The following KDM4A variants were observed in gnomAD, a reference collection of about 807,000 sequenced individuals.
KDM4A encodes the protein lysine demethylase 4A, also known as lysine-specific demethylase 4A.
In KDM4A, 23 loss-of-function variants were observed where a neutral mutation model predicts 127.1. That is an observed-to-expected ratio of 0.18 (90% CI 0.13 to 0.26). KDM4A has a LOEUF of 0.26. Among genes scored for constraint, KDM4A ranks in the 10% least tolerant of loss-of-function variants. KDM4A has a pLI of 1.00. For synonymous variants in KDM4A, 443 were observed against 466.5 expected, an observed-to-expected ratio of 0.95 and a Z score of 0.65; for missense variants, 890 against 1,329.1, an observed-to-expected ratio of 0.67 and a Z score of 5.14.
chr1:43,671,562 A>C lies in KDM4A; in HGVS notation c.1421A>C (p.Glu474Ala), dbSNP rs1309701491. ...FEELKNVKLE[E>A]EDEEEEQAAA... ...GAGCTTAAAAATGTCAAACTAGAAGAGGAGGATGAGGAGGAAGAACAAGCA... is the reference window on the plus strand; with the variant it reads ...GAGCTTAAAAATGTCAAACTAGAAGCGGAGGATGAGGAGGAAGAACAAGCA... Residue 474 changes from glutamate to alanine, a missense_variant, in exon 11 of 22, where the codon GAG becomes GCG. Coordinates refer to ENST00000372396, the MANE Select transcript of KDM4A (RefSeq NM_014663.3). 1.2e-6 allele frequency: 2 copies of C among 1,601,852 alleles called. No individual in the cohort carries two copies. Among genetic ancestry groups the C allele is most frequent in the African/African-American group, 2.7e-5 (2 of 74,086 alleles).
chr1:43,700,652 G>A (rs1468808896), intron 19 of KDM4A, among the ~76,000 whole-genome samples: 1 of 152,038 alleles, frequency 6.6e-6, no homozygotes, highest in Non-Finnish European at 1.5e-5. Context: ...AAACTCCTGG[G>A]CTCAAGCGAT....
At position 43,667,935 on chromosome 1, in the gene KDM4A, C is replaced by T; in HGVS notation, c.1079C>T (p.Pro360Leu). 1 of 1,614,124 alleles carries T rather than the reference C, an allele frequency of 6.2e-7. No individual in the cohort carries two copies. The highest frequency in any genetic ancestry group is 1.1e-5 in the South Asian group (1 of 91,078). The change falls in exon 9 of 22, where the codon CCT becomes CTT. Residue 360 changes from proline to leucine, a missense_variant. Physicochemically the swap from Pro to Leu is moderately conservative, Grantham distance 98 (BLOSUM62 -3). Transcript: ENST00000372396. ...GAGTTTCTTAAGGAGAGTGAACTGC[C>T]TCCAAGAGCTGGCAACGAGGAGGAG... The part of the protein sequence containing the change: ...AAEFLKESEL[P>L]PRAGNEEECP...
At chr1:43,671,457 C>T in intron 10 of KDM4A, 48 bp from the exon 11 acceptor site, 1 of 1,493,916 alleles carries the variant, frequency 6.7e-7, no homozygotes, top group Non-Finnish European at 8.9e-7. Flanking sequence ...ATCAGGTTCA[C>T]ATGTGCAGGA....
rs1661188675 is a variant in KDM4A, at chr1:43,694,257, C to G, written c.2484+155C>G. ...GGAGGCCAGGTGTGGTGGCTCACAC[C>G]TGTAATCCCAGCCCTTTGTGGGGCC... On this transcript the variant is annotated intron_variant, in intron 17 of 21. Transcript: ENST00000372396. The surrounding 1 kb of genome is among the most constrained non-coding windows in gnomAD (Gnocchi z 5.2). Among the ~76,000 whole-genome samples, 1 of 152,112 alleles carries G rather than the reference C, an allele frequency of 6.6e-6. No homozygotes were observed.
In KDM4A at chr1:43,690,838, C is replaced by T. The variant is rs750870375; in HGVS notation, c.2038-7C>T. 6.2e-7 allele frequency: 1 copy of T among 1,614,000 alleles called. No individual in the cohort carries two copies. The highest frequency in any genetic ancestry group is 8.5e-7 in the Non-Finnish European group (1 of 1,179,920). ...CACTGAGGTGTACACTTGTTCTTTC[C>T]CCTTAGGTTGAATTTGGAGGCTTTA... On this transcript the variant is annotated splice_polypyrimidine_tract_variant and splice_region_variant and intron_variant, in intron 13 of 21. Coordinates refer to ENST00000372396, the MANE Select transcript of KDM4A (RefSeq NM_014663.3).
intron 15 of KDM4A, among the ~76,000 whole-genome samples, chr1:43,691,999 T>G (rs1272648241): frequency 6.6e-6 from 1 of 152,220 alleles, no homozygotes; most frequent in Non-Finnish European, 1.5e-5. Context: ...CTTTTGTGAC[T>G]TTGCTAAGAG....
intron 18 of KDM4A, among the ~76,000 whole-genome samples, 197 bp downstream of exon 18, chr1:43,695,091 A>G (rs769407819): frequency 1.2e-4 from 18 of 152,134 alleles, no homozygotes; most frequent in Non-Finnish European, 1.0e-4. Flanking sequence ...AGTGACACCA[A>G]ACTGCTTGTA....
chr1:43,697,020 G>A (rs1186744693), intron 18 of KDM4A, among the ~76,000 whole-genome samples: 1 of 152,210 alleles, frequency 6.6e-6, no homozygotes, highest in African/African-American at 2.4e-5. Flanking sequence ...TAAAAATTAA[G>A]TCAGATAAGG....
chr1:43,660,518 G>A (rs1164853557), intron 4 of KDM4A, 106 bp downstream of exon 4: 4 of 1,432,674 alleles, frequency 2.8e-6, no homozygotes, highest in African/African-American at 1.4e-5. Context: ...GTGAATGGGT[G>A]GATGAACAGA....
Position 43,655,712 on chromosome 1 carries a change from T to A in KDM4A, c.260T>A (p.Ile87Lys). ...GQSGLFTQYN[I>K]QKKAMTVREF... ...TCTGGCCTCTTTACTCAGTACAACA[T>A]ACAGAAGAAAGCCATGACTGTTCGA... Residue 87 changes from isoleucine to lysine, a missense_variant, in exon 3 of 22, where the codon ATA becomes AAA. Ile to Lys is a moderately radical substitution (Grantham distance 102). Around this residue, in one of 7 missense-constraint regions of KDM4A, gnomAD observed 29 missense variants for 64.3 expected, o/e 0.45. Coordinates refer to ENST00000372396, the MANE Select transcript of KDM4A (RefSeq NM_014663.3). The A allele has an allele frequency of 6.2e-7, 1 of 1,613,898 alleles. No individual in the cohort carries two copies. Among genetic ancestry groups the A allele is most frequent in the Non-Finnish European group, 8.5e-7 (1 of 1,179,896 alleles).
rs74070653 is a variant in KDM4A, at chr1:43,667,976, A to G, written c.1120A>G (p.Met374Val). The G allele has an allele frequency of 1.9e-3, 3,146 of 1,614,142 alleles. 57 individuals are homozygous for G. The African/African-American group carries it at 0.036, about 19-fold the overall frequency. The change falls in exon 9 of 22, where the codon ATG becomes GTG. Residue 374 changes from methionine (M) to valine (V), a missense_variant. Physicochemically the swap from Met to Val is conservative, Grantham distance 21. Around this residue, in one of 7 missense-constraint regions of KDM4A, gnomAD observed 389 missense variants for 485.9 expected, o/e 0.80. Coordinates refer to ENST00000372396, the MANE Select transcript of KDM4A (RefSeq NM_014663.3). ...CGAGGAGGAGTGCCCAGAGGAGGAC[A>G]TGGAAGGGGTGGAGGATGGAGAGGA... ...GNEEECPEED[M>V]EGVEDGEEGD...
intron 12 of KDM4A, among the ~76,000 whole-genome samples, chr1:43,686,612 C>T (rs936918196): frequency 6.6e-6 from 1 of 152,192 alleles, no homozygotes; most frequent in African/African-American, 2.4e-5. Flanking sequence ...GCTGGGATTA[C>T]AGGCGTGAGC....
At chr1:43,690,583 G>C (rs1250106374) in intron 13 of KDM4A, 1 of 527,170 alleles carries the variant, frequency 1.9e-6, no homozygotes, top group African/African-American at 1.9e-5. Flanking sequence ...TCTTTGGGAA[G>C]ATTGAAATCC....
At chr1:43,671,409 C>T (rs1378248886) in intron 10 of KDM4A, 96 bp from the exon 11 acceptor site, 2 of 1,347,406 alleles carry the variant, frequency 1.5e-6, no homozygotes, top group Non-Finnish European at 2.0e-6. Context: ...AGGTCCCATT[C>T]CCCGCCCATG....
At chr1:43,697,811 TGTGA>T (rs1287923015) in intron 18 of KDM4A, 28 bp from the exon 19 acceptor site, 5 of 1,601,870 alleles carry the variant, frequency 3.1e-6, no homozygotes, top group Non-Finnish European at 4.3e-6. Flanking sequence ...AAACTCCACG[TGTGA>T]GTAACCAAAG....
intron 19 of KDM4A, among the ~76,000 whole-genome samples, chr1:43,701,058 G>A (rs933395697): frequency 1.3e-5 from 2 of 151,688 alleles, no homozygotes; most frequent in Non-Finnish European, 1.5e-5. Flanking sequence ...AAGTAGCTGC[G>A]ACTACAGGTG....
At chr1:43,676,304 C>T (rs957980060) in intron 11 of KDM4A, among the ~76,000 whole-genome samples, 90 of 152,038 alleles carry the variant, frequency 5.9e-4, no homozygotes, top group African/African-American at 2.1e-3. Context: ...AGATGCAGAG[C>T]GAATAATACA....
chr1:43,680,357 T>C (rs1052570814), intron 11 of KDM4A, among the ~76,000 whole-genome samples: 5 of 152,172 alleles, frequency 3.3e-5, no homozygotes, highest in Non-Finnish European at 7.4e-5. Context: ...AATATACTGA[T>C]CATGGAAAAG....
chr1:43,682,138 TTG>T (rs959676452), intron 11 of KDM4A, among the ~76,000 whole-genome samples: 1 of 152,090 alleles, frequency 6.6e-6, no homozygotes, highest in Non-Finnish European at 1.5e-5. Flanking sequence ...CTGAATTTTT[TTG>T]TGTGTGGAGA....
Sources: allele counts gnomAD v4.1 joint callset (sites outside exome capture counted in the v4.1 genomes callset), GRCh38; gene constraint gnomAD v4.1.1; regional missense constraint gnomAD v4.1.1; non-coding constraint Gnocchi (gnomAD v3.1); transcripts MANE v1.5; gene names NCBI Gene and HGNC (gene_info 2026-07-23, HGNC 2026-07-21).